SKAP1: variants seen among roughly 807,000 people sequenced by gnomAD.
SKAP1 encodes the protein src kinase associated phosphoprotein 1.
Under a neutral mutation model 58.5 loss-of-function variants are expected in SKAP1, and 44 were observed. The ratio of observed to expected loss-of-function variants is 0.75; its 90% CI spans 0.59 to 0.97. The LOEUF is 0.97. SKAP1 is among the 50% of genes least tolerant of loss of function. The pLI is 0.00. For synonymous variants in SKAP1, 127 were observed against 149.7 expected (o/e 0.85, Z 1.11); for missense variants, 390 against 435.2 (o/e 0.90, Z 0.92).
At chr17:48,289,247 C>T (rs1323104248) in intron 4 of SKAP1, among the ~76,000 whole-genome samples, 1 of 151,852 alleles carries the variant, frequency 6.6e-6, no homozygotes, top group Non-Finnish European at 1.5e-5. Context: ...AATACTCATG[C>T]TTATGAGTAA....
intron 6 of SKAP1, 157 bp from the exon 7 acceptor site, chr17:48,185,004 G>A (rs202238579): frequency 1.1e-4 from 71 of 663,354 alleles, no homozygotes; most frequent in South Asian, 7.5e-4. Context: ...TTAAGAAGAG[G>A]CTACTGCGAC....
At chr17:48,293,102 A>G (rs2065918869) in intron 4 of SKAP1, among the ~76,000 whole-genome samples, 1 of 152,220 alleles carries the variant, frequency 6.6e-6, no homozygotes, top group African/African-American at 2.4e-5. Context: ...TGTGAAATCT[A>G]TGTAGTTTTC....
intron 2 of SKAP1, among the ~76,000 whole-genome samples, chr17:48,369,701 C>T (rs557582957): frequency 6.6e-6 from 1 of 152,104 alleles, no homozygotes; most frequent in Non-Finnish European, 1.5e-5. Context: ...TCCTCACACT[C>T]TAACCCTATT....
At chr17:48,350,658 T>C (rs761078310) in intron 3 of SKAP1, among the ~76,000 whole-genome samples, 7 of 152,146 alleles carry the variant, frequency 4.6e-5, no homozygotes, top group Non-Finnish European at 1.0e-4. Context: ...ATTGTGCCAT[T>C]GCACTCCGGC....
intron 4 of SKAP1, among the ~76,000 whole-genome samples, chr17:48,285,316 G>A (rs2065816065): frequency 6.6e-6 from 1 of 152,058 alleles, no homozygotes; most frequent in Admixed American, 6.6e-5. Context: ...ACTGAGTCTA[G>A]AGAGAAAAAG....
chr17:48,178,307 C>G (rs150864511), intron 9 of SKAP1, among the ~76,000 whole-genome samples: 165 of 152,138 alleles, frequency 1.1e-3, no homozygotes, highest in African/African-American at 3.8e-3. Context: ...TTCTTTCCAC[C>G]CGAGAAGGTT....
intron 1 of SKAP1, among the ~76,000 whole-genome samples, chr17:48,402,072 T>C (rs1020550893): frequency 1.3e-5 from 2 of 152,112 alleles, no homozygotes; most frequent in African/African-American, 4.8e-5. Flanking sequence ...AATCATGAAA[T>C]ACCACTTCAC....
At chr17:48,245,545 G>T (rs1487110633) in intron 4 of SKAP1, among the ~76,000 whole-genome samples, 1 of 152,162 alleles carries the variant, frequency 6.6e-6, no homozygotes, top group Admixed American at 6.5e-5. Flanking sequence ...GAAAAATGAA[G>T]ACAGCACTTA....
chr17:48,410,370 C>T (rs2067647119), intron 1 of SKAP1, among the ~76,000 whole-genome samples: 1 of 152,110 alleles, frequency 6.6e-6, no homozygotes, highest in Admixed American at 6.5e-5. Flanking sequence ...AATACATACA[C>T]GTGTATTTCC....
chr17:48,149,479 G>C (rs556139005), intron 11 of SKAP1, among the ~76,000 whole-genome samples: 27 of 152,124 alleles, frequency 1.8e-4, no homozygotes, highest in Non-Finnish European at 3.2e-4. Context: ...AGATTGTTCC[G>C]GCGAGGGAAA....
At chr17:48,332,857 G>A (rs2066523185) in intron 4 of SKAP1, among the ~76,000 whole-genome samples, 1 of 152,012 alleles carries the variant, frequency 6.6e-6, no homozygotes, top group Non-Finnish European at 1.5e-5. Flanking sequence ...TCACACTTTT[G>A]CCATATATTG....
rs185156706 is a variant in SKAP1, at chr17:48,142,019, T to G, written c.979-4682A>C. The stretch of plus-strand genomic sequence containing the variant: ...CCCTGTGCTTTCCTGGAAAAGAGCT[T>G]GTGATTACACTGCCTTCTATCTGCC... On this transcript the variant is annotated intron_variant, in intron 11 of 12. Transcript: ENST00000336915. Among the ~76,000 whole-genome samples the G allele has an allele frequency of 3.4e-3, 521 of 152,300 alleles. 2 individuals are homozygous for G. The highest frequency in any genetic ancestry group is 0.012 in the African/African-American group (508 of 41,566).
intron 3 of SKAP1, among the ~76,000 whole-genome samples, chr17:48,353,908 AAAAAG>A (rs1360394523): frequency 2.0e-5 from 3 of 150,232 alleles, no homozygotes; most frequent in Admixed American, 6.7e-5. Context: ...AAAAAAAAAA[AAAAAG>A]AAAAGAAAAG....
intron 4 of SKAP1, among the ~76,000 whole-genome samples, chr17:48,289,508 T>C (rs1197049246): frequency 6.6e-6 from 1 of 152,170 alleles, no homozygotes; most frequent in East Asian, 1.9e-4. Flanking sequence ...TTCTGATATT[T>C]GAAAAACTGA....
At chr17:48,192,401 A>C (rs898251543) in intron 4 of SKAP1, among the ~76,000 whole-genome samples, 1 of 152,170 alleles carries the variant, frequency 6.6e-6, no homozygotes, top group Non-Finnish European at 1.5e-5. Context: ...ATTAGAATTC[A>C]AACCTCCTTT....
intron 4 of SKAP1, among the ~76,000 whole-genome samples, chr17:48,198,433 A>C (rs2064673660): frequency 7.4e-6 from 1 of 135,926 alleles, no homozygotes; most frequent in East Asian, 2.6e-4. Flanking sequence ...CCAACCTGGG[A>C]GACACAGCGA....
chr17:48,325,565 G>A (rs1448102957), intron 4 of SKAP1, among the ~76,000 whole-genome samples: 2 of 152,202 alleles, frequency 1.3e-5, no homozygotes, highest in East Asian at 1.9e-4. Flanking sequence ...GTGCAGATTA[G>A]TGTCAGAACT....
intron 4 of SKAP1, among the ~76,000 whole-genome samples, chr17:48,261,777 C>T (rs1285419056): frequency 6.6e-6 from 1 of 152,136 alleles, no homozygotes. Context: ...CTTTCTATTC[C>T]TTGCCCCCTT....
At chr17:48,223,470 C>T (rs1309342695) in intron 4 of SKAP1, among the ~76,000 whole-genome samples, 1 of 152,170 alleles carries the variant, frequency 6.6e-6, no homozygotes, top group African/African-American at 2.4e-5. Context: ...TAAATTTCCA[C>T]ATTACTACCA....
Sources: allele counts gnomAD v4.1 joint callset (sites outside exome capture counted in the v4.1 genomes callset), GRCh38; gene constraint gnomAD v4.1.1; transcripts MANE v1.5; gene names NCBI Gene and HGNC (gene_info 2026-07-23, HGNC 2026-07-21).